Variants in EYS observed in about 807,000 individuals in gnomAD.
The protein encoded by EYS is EGF-like photoreceptor maintenance factor.
EYS carries 250 observed loss-of-function variants against 282.1 expected under a neutral mutation model. That is an observed-to-expected ratio of 0.89 (90% CI 0.80 to 0.98). The LOEUF (loss-of-function observed/expected upper bound fraction) is 0.98, where lower values mean the gene tolerates loss of function less well. EYS is among the 50% of genes least tolerant of loss of function. The pLI is 0.00. For missense variants in EYS, 4,016 were observed against 3,709.0 expected, an observed-to-expected ratio of 1.08 and a Z score of -2.15; for synonymous variants, 1,355 against 1,282.9, an observed-to-expected ratio of 1.06 and a Z score of -1.20.
intron 12 of EYS, among the ~76,000 whole-genome samples, chr6:65,084,726 C>A (rs1199873127): frequency 6.6e-6 from 1 of 152,046 alleles, no homozygotes. Context: ...TGACATTGAA[C>A]GTAGATAAAT....
chr6:63,788,725 C>T (rs1375755943), intron 38 of EYS, among the ~76,000 whole-genome samples: 1 of 152,172 alleles, frequency 6.6e-6, no homozygotes, highest in Non-Finnish European at 1.5e-5. Context: ...CATCCCCCAA[C>T]CTAAAAACCA....
At chr6:63,868,619 G>A (rs553673388) in intron 35 of EYS, among the ~76,000 whole-genome samples, 17 of 152,182 alleles carry the variant, frequency 1.1e-4, no homozygotes, top group African/African-American at 3.1e-4. Context: ...TGCTACTGGC[G>A]GAAATAACCC....
chr6:65,491,818 C>A (rs990248373), intron 4 of EYS, among the ~76,000 whole-genome samples: 1 of 152,102 alleles, frequency 6.6e-6, no homozygotes, highest in African/African-American at 2.4e-5. Flanking sequence ...GAGATAATAT[C>A]TTTAGAGAAG....
intron 14 of EYS, among the ~76,000 whole-genome samples, chr6:64,981,143 T>C (rs1034865283): frequency 6.6e-6 from 1 of 151,346 alleles, no homozygotes. Flanking sequence ...TTGATTTTAA[T>C]CCAGGCAATA....
At chr6:64,499,279 G>T (rs901742385) in intron 26 of EYS, among the ~76,000 whole-genome samples, 2 of 152,142 alleles carry the variant, frequency 1.3e-5, no homozygotes, top group Non-Finnish European at 2.9e-5. Flanking sequence ...CACCAAATCT[G>T]CTCTCCAAAC....
intron 26 of EYS, among the ~76,000 whole-genome samples, chr6:64,442,707 C>A (rs1162229417): frequency 6.6e-6 from 1 of 152,194 alleles, no homozygotes; most frequent in African/African-American, 2.4e-5. Context: ...GCCATTGCTT[C>A]AGAGGGTGGA....
intron 28 of EYS, among the ~76,000 whole-genome samples, chr6:64,422,707 A>G (rs1774274414): frequency 6.6e-6 from 1 of 152,178 alleles, no homozygotes; most frequent in Non-Finnish European, 1.5e-5. Context: ...ATTTGGTCTT[A>G]ATTGTTCTTA....
At chr6:63,813,354 T>C (rs1472929538) in intron 36 of EYS, among the ~76,000 whole-genome samples, 1 of 152,246 alleles carries the variant, frequency 6.6e-6, no homozygotes, top group African/African-American at 2.4e-5. Context: ...TAAACATTAG[T>C]TTCCATTTAA....
intron 11 of EYS, 27 bp downstream of exon 11, chr6:65,334,953 T>G: frequency 1.9e-6 from 3 of 1,588,816 alleles, no homozygotes; most frequent in Non-Finnish European, 2.6e-6. Flanking sequence ...ATATGTGATA[T>G]TATCTGCTCA....
At chr6:64,235,336 G>A (rs1160501961) in intron 30 of EYS, among the ~76,000 whole-genome samples, 7 of 150,126 alleles carry the variant, frequency 4.7e-5, no homozygotes, top group African/African-American at 9.8e-5. Flanking sequence ...GAGAATATGC[G>A]GTGTTTGGTT....
chr6:64,413,480 A>C (rs567045135), intron 28 of EYS, among the ~76,000 whole-genome samples: 1 of 151,918 alleles, frequency 6.6e-6, no homozygotes, highest in African/African-American at 2.4e-5. Flanking sequence ...AAAAACTGTA[A>C]TTGAATAATA....
chr6:65,133,083 T>G (rs1775926708), intron 12 of EYS, among the ~76,000 whole-genome samples: 1 of 152,006 alleles, frequency 6.6e-6, no homozygotes. Flanking sequence ...TGGGAAAACA[T>G]TTCATTCTTA....
chr6:65,333,807 A>G lies in EYS; in HGVS notation c.1766+1173T>C, dbSNP rs1254932645. Among the ~76,000 whole-genome samples, 3 of 151,606 alleles carry G rather than the reference A, an allele frequency of 2.0e-5. No homozygotes were observed. The East Asian group carries it at 5.8e-4, about 29-fold the overall frequency. On this transcript the variant is annotated intron_variant, in intron 11 of 42. Coordinates refer to ENST00000503581, the MANE Select transcript of EYS (RefSeq NM_001142800.2). ...TTTGATTCTTTTATAATTATAAAAT[A>G]TCTTTCTTTTTCTCTACTAACTGTT...
chr6:65,135,576 A>T (rs190016486), intron 12 of EYS, among the ~76,000 whole-genome samples: 1 of 152,044 alleles, frequency 6.6e-6, no homozygotes, highest in Non-Finnish European at 1.5e-5. Context: ...TTATTTATAG[A>T]TGGTTTAGCA....
chr6:64,977,149 A>G (rs1770497969), intron 14 of EYS, among the ~76,000 whole-genome samples: 1 of 151,816 alleles, frequency 6.6e-6, no homozygotes, highest in African/African-American at 2.4e-5. Context: ...CACCTCAGCC[A>G]CTCAAATTAT....
intron 12 of EYS, among the ~76,000 whole-genome samples, chr6:65,176,214 T>G (rs541613287): frequency 6.6e-6 from 1 of 151,678 alleles, no homozygotes; most frequent in Non-Finnish European, 1.5e-5. Context: ...CTAAAACTTT[T>G]TATCCCTTGA....
chr6:65,426,804 T>C (rs1393699), intron 5 of EYS, among the ~76,000 whole-genome samples: 73,267 of 151,960 alleles, frequency 0.48, 17,994 homozygotes, highest in South Asian at 0.57. Flanking sequence ...TTTCAACAGA[T>C]GTTAATAAGT....
At chr6:64,085,406 C>T (rs944345108) in intron 31 of EYS, among the ~76,000 whole-genome samples, 3 of 151,174 alleles carry the variant, frequency 2.0e-5, no homozygotes, top group Non-Finnish European at 4.4e-5. Flanking sequence ...GACTATAGGT[C>T]AACAGTCCAT....
intron 41 of EYS, among the ~76,000 whole-genome samples, chr6:63,727,706 CAAAAAAAAAAAAAAAA>C (rs1169878020): frequency 2.8e-3 from 27 of 9,528 alleles, no homozygotes; most frequent in Admixed American, 0.016. Flanking sequence ...CACCATCTCT[CAAAAAAAAAAAAAAAA>C]AAAAAAAAAA....
Sources: allele counts gnomAD v4.1 joint callset (sites outside exome capture counted in the v4.1 genomes callset), GRCh38; gene constraint gnomAD v4.1.1; transcripts MANE v1.5; gene names NCBI Gene and HGNC (gene_info 2026-07-23, HGNC 2026-07-21).